The following ZNF385D variants were observed in gnomAD, a reference collection of about 807,000 sequenced individuals.
ZNF385D encodes the protein zinc finger protein 659.
Under a neutral mutation model 35.8 loss-of-function variants are expected in ZNF385D, and 15 were observed. That is an observed-to-expected ratio of 0.42 (90% confidence interval 0.28 to 0.64). The LOEUF is 0.64. Among genes scored for constraint, ZNF385D ranks in the 30% least tolerant of loss-of-function variants. ZNF385D has a pLI of 0.23. For synonymous variants in ZNF385D, 212 were observed against 186.8 expected (o/e 1.13, Z -1.10); for missense variants, 474 against 494.6 (o/e 0.96, Z 0.39).
intron 3 of ZNF385D, among the ~76,000 whole-genome samples, chr3:22,122,576 G>C (rs539119694): frequency 2.8e-4 from 43 of 152,238 alleles, no homozygotes; most frequent in African/African-American, 1.0e-3. Flanking sequence ...CTCTGCATTT[G>C]TAGAGCTTAA....
chr3:21,423,964 C>T lies in ZNF385D; in HGVS notation c.953G>A (p.Gly318Glu). The T allele has an allele frequency of 6.2e-7, 1 of 1,606,326 alleles. No homozygotes were observed. Among genetic ancestry groups the T allele is most frequent in the Non-Finnish European group, 8.5e-7 (1 of 1,177,458 alleles). ...GGACTCTTGCAAAATGACACTCACC[C>T]CCAGTGGATGTGCTGTCTTCTGTAG... ...NKLQKTAHPL[G>E]VKLVFSKEPS... is the part of the protein sequence containing the mutation. Residue 318 changes from glycine (G) to glutamate (E), a missense_variant and splice_region_variant, in exon 7 of 8, where the codon GGG (glycine) becomes GAG (glutamate). Gly to Glu is a moderately conservative substitution (Grantham distance 98, BLOSUM62 -2). Coordinates refer to ENST00000281523, the MANE Select transcript of ZNF385D (RefSeq NM_024697.3).
rs555325736 is a variant in ZNF385D, at chr3:22,067,969, C to T, written c.325+100848G>A. ...CAGAGGTTGCAGTGAGCCGAGATCA[C>T]GCCACTGCACACCAGCCTGGTGAAA... On this transcript the variant is annotated intron_variant, in intron 3 of 5. Transcript: ENST00000494108. Among the ~76,000 whole-genome samples, 19 of 151,424 alleles carry T rather than the reference C, an allele frequency of 1.3e-4. No homozygotes were observed. In the East Asian group the frequency reaches 2.5e-3, roughly 20 times the overall value.
chr3:21,932,262 A>G (rs920468567), intron 3 of ZNF385D, among the ~76,000 whole-genome samples: 14 of 151,652 alleles, frequency 9.2e-5, no homozygotes, highest in Non-Finnish European at 1.9e-4. Context: ...AGTAATCTAA[A>G]TGATATCTTT....
intron 3 of ZNF385D, among the ~76,000 whole-genome samples, chr3:22,089,278 T>C (rs1701199682): frequency 6.6e-6 from 1 of 152,196 alleles, no homozygotes; most frequent in Non-Finnish European, 1.5e-5. Flanking sequence ...AAAAATTATC[T>C]GTAAATATAA....
rs372445723 is a variant in ZNF385D at position 21,421,325 on chromosome 3, A to G, written c.1077T>C (p.Thr359=). Residue 359 remains threonine (T), a synonymous_variant, in exon 8 of 8, where the codon ACT becomes ACC. Transcript: ENST00000281523. ...VAVSSPFSLR[T]APAATLFQTS... ...TCTGGAACAGTGTTGCTGCTGGAGC[A>G]GTTCGAAGACTGAAGGGGGAACTCA... 1.2e-6 allele frequency: 2 copies of G among 1,613,912 alleles called. No individual in the cohort carries two copies. Among genetic ancestry groups the G allele is most frequent in the African/African-American group, 1.3e-5 (1 of 74,946 alleles).
intron 2 of ZNF385D, among the ~76,000 whole-genome samples, chr3:21,591,055 G>A (rs1027445137): frequency 2.0e-5 from 3 of 152,026 alleles, no homozygotes; most frequent in East Asian, 1.9e-4. Context: ...AAAATGAGCT[G>A]GGCATGGTGA....
At chr3:21,477,201 G>C (rs1704308581) in intron 4 of ZNF385D, among the ~76,000 whole-genome samples, 1 of 152,026 alleles carries the variant, frequency 6.6e-6, no homozygotes. Flanking sequence ...GTGAGAGCCT[G>C]GTTGAGGTTT....
At chr3:22,306,314 C>A (rs548568389) in intron 2 of ZNF385D, among the ~76,000 whole-genome samples, 32 of 151,922 alleles carry the variant, frequency 2.1e-4, no homozygotes, top group Non-Finnish European at 3.4e-4. Flanking sequence ...TAGGGTAAAC[C>A]TTTCTCTGTC....
intron 3 of ZNF385D, among the ~76,000 whole-genome samples, chr3:22,101,455 A>G (rs1263146788): frequency 6.6e-6 from 1 of 152,100 alleles, no homozygotes; most frequent in Non-Finnish European, 1.5e-5. Flanking sequence ...GAGAGATGAA[A>G]TAACACGTAT....
chr3:22,074,818 T>C (rs1168121980), intron 3 of ZNF385D, among the ~76,000 whole-genome samples: 2 of 151,890 alleles, frequency 1.3e-5, no homozygotes, highest in East Asian at 1.9e-4. Flanking sequence ...CTGTCAAAAG[T>C]ACATCCTTTC....
At position 21,539,197 on chromosome 3, in the gene ZNF385D, T is replaced by G. The variant is rs1052069257; in HGVS notation, c.276+25377A>C. On this transcript the variant is annotated intron_variant, in intron 3 of 7. Transcript: ENST00000281523. This position sits in a 1 kb window ranked among gnomAD's most constrained non-coding sequence, Gnocchi z 4.0. ...AGGAAGATTCAAGACCACAGAGACA[T>G]CAGTGAGCCAGTCTGAATGTTTAGT... Among the ~76,000 whole-genome samples, 1 of 151,774 alleles carries G rather than the reference T, an allele frequency of 6.6e-6. No homozygotes were observed. The highest frequency in any genetic ancestry group is 2.3e-4 in the South Asian group (1 of 4,442).
chr3:21,751,277 G>A (rs747907946), upstream of ZNF385D: 92 of 1,094,212 alleles, frequency 8.4e-5, no homozygotes, highest in South Asian at 2.4e-4. Context: ...CGCTCCACGA[G>A]GTGCTCCGAC....
At chr3:22,155,690 A>G (rs571879840) in intron 3 of ZNF385D, among the ~76,000 whole-genome samples, 1 of 152,238 alleles carries the variant, frequency 6.6e-6, no homozygotes, top group East Asian at 1.9e-4. Flanking sequence ...CCCTACTTTT[A>G]TAATATTGTA....
chr3:22,232,575 T>C (rs910970087), intron 2 of ZNF385D, among the ~76,000 whole-genome samples: 1 of 152,124 alleles, frequency 6.6e-6, no homozygotes, highest in Admixed American at 6.6e-5. Flanking sequence ...TGTGTGATGT[T>C]CCCCTCCCTG....
chr3:21,564,034 G>C (rs2063052519), intron 3 of ZNF385D, among the ~76,000 whole-genome samples: 1 of 152,036 alleles, frequency 6.6e-6, no homozygotes, highest in African/African-American at 2.4e-5. Flanking sequence ...AAGTCTTTTG[G>C]GGCTTGAGTG....
chr3:21,860,597 A>T (rs1231047328), intron 3 of ZNF385D, among the ~76,000 whole-genome samples: 2 of 152,172 alleles, frequency 1.3e-5, no homozygotes, highest in Admixed American at 1.3e-4. Flanking sequence ...CTGGGACAGG[A>T]AACAGATCAA....
At chr3:21,510,749 C>G (rs1707140928) in intron 4 of ZNF385D, 112 bp downstream of exon 4, 9 of 1,365,186 alleles carry the variant, frequency 6.6e-6, no homozygotes, top group Non-Finnish European at 9.1e-6. Flanking sequence ...AAAGATGGCT[C>G]AAGCATGAAT....
At chr3:22,160,180 A>T (rs1705855445) in intron 3 of ZNF385D, among the ~76,000 whole-genome samples, 1 of 152,096 alleles carries the variant, frequency 6.6e-6, no homozygotes, top group African/African-American at 2.4e-5. Context: ...TTTCTTTTAT[A>T]AATCACCCAG....
intron 3 of ZNF385D, among the ~76,000 whole-genome samples, chr3:22,033,230 T>G (rs940371487): frequency 6.6e-6 from 1 of 151,652 alleles, no homozygotes; most frequent in South Asian, 2.1e-4. Flanking sequence ...GGTGGAACCC[T>G]GTCTCTACTA....
Sources: allele counts gnomAD v4.1 joint callset (sites outside exome capture counted in the v4.1 genomes callset), GRCh38; gene constraint gnomAD v4.1.1; non-coding constraint Gnocchi (gnomAD v3.1); transcripts MANE v1.5; gene names NCBI Gene and HGNC (gene_info 2026-07-23, HGNC 2026-07-21).